CFAP20DC: variants seen among roughly 807,000 people sequenced by gnomAD.
CFAP20DC encodes protein CFAP20DC.
CFAP20DC carries 84 observed loss-of-function variants against 101.7 expected under a neutral mutation model. The observed-to-expected ratio is 0.83, with a 90% confidence interval of 0.69 to 0.99. CFAP20DC has a LOEUF of 0.99. Among genes scored for constraint, CFAP20DC ranks in the 50% least tolerant of loss-of-function variants. The probability of loss-of-function intolerance (pLI) is 0.00; values close to 1 mark genes in which losing one functional copy is unlikely to be tolerated. For missense variants in CFAP20DC, 1,007 were observed against 970.3 expected (o/e 1.04, Z -0.50); for synonymous variants, 359 against 351.2 (o/e 1.02, Z -0.25).
intron 15 of CFAP20DC, among the ~76,000 whole-genome samples, chr3:58,761,123 C>G (rs1354709373): frequency 1.3e-5 from 2 of 152,130 alleles, no homozygotes; most frequent in Non-Finnish European, 2.9e-5. Context: ...GCAGCTCCTC[C>G]TTGTACCTCT....
rs1662428927 is a variant in CFAP20DC, at chr3:58,874,595, G to A, written c.716-4286C>T. Among the ~76,000 whole-genome samples, 2 of 152,044 alleles carry A rather than the reference G, an allele frequency of 1.3e-5. No individual in the cohort carries two copies. The highest frequency in any genetic ancestry group is 4.2e-4 in the South Asian group (2 of 4,796). ...TTCTCAGTTCTTCCTGCCTACTAGAGTGTTTGTGTATGCTGTTCATGGCAA... is the reference window on the plus strand; with the variant it reads ...TTCTCAGTTCTTCCTGCCTACTAGAATGTTTGTGTATGCTGTTCATGGCAA... On this transcript the variant is annotated intron_variant, in intron 7 of 16. Transcript: ENST00000482387. This position sits in a 1 kb window ranked among gnomAD's most constrained non-coding sequence, Gnocchi z 5.1.
Position 58,766,390 on chromosome 3 carries a change from T to C in CFAP20DC, c.2238-12527A>G, listed in dbSNP as rs142968791. Reference sequence around the variant, plus strand: ...AATTCCTGCCAATTTTTCTCCTAAATAGCTTTGAATCTACCTTTCTCACCA... The same window carrying C: ...AATTCCTGCCAATTTTTCTCCTAAACAGCTTTGAATCTACCTTTCTCACCA... On this transcript the variant is annotated intron_variant, in intron 15 of 16. Transcript: ENST00000482387. Among the ~76,000 whole-genome samples, 383 of 152,296 alleles carry C rather than the reference T, an allele frequency of 2.5e-3. 3 individuals carry two copies. Among genetic ancestry groups the C allele is most frequent in the Middle Eastern group, 0.02 (6 of 294 alleles).
downstream of CFAP20DC, among the ~76,000 whole-genome samples, chr3:58,741,455 T>C (rs1371281198): frequency 1.3e-5 from 2 of 152,052 alleles, no homozygotes; most frequent in Non-Finnish European, 2.9e-5. Flanking sequence ...TCTATATAGA[T>C]CTAGATGAAT....
At chr3:58,993,965 G>C (rs2093025644) in intron 4 of CFAP20DC, among the ~76,000 whole-genome samples, 1 of 152,094 alleles carries the variant, frequency 6.6e-6, no homozygotes, top group Non-Finnish European at 1.5e-5. Context: ...GGATTGCTGG[G>C]TCAAATGGTA....
chr3:59,027,696 G>A (rs1030469714), intron 4 of CFAP20DC, among the ~76,000 whole-genome samples: 11 of 152,092 alleles, frequency 7.2e-5, no homozygotes, highest in Non-Finnish European at 1.5e-4. Flanking sequence ...ATCAAATAAG[G>A]GAAAATGAAC....
At chr3:58,987,380 T>C (rs2092787566) in intron 4 of CFAP20DC, among the ~76,000 whole-genome samples, 1 of 152,080 alleles carries the variant, frequency 6.6e-6, no homozygotes, top group South Asian at 2.1e-4. Context: ...ATGTATAGCC[T>C]TAAATTGCCT....
chr3:58,862,526 C>A (rs775973711), intron 12 of CFAP20DC: 5 of 985,276 alleles, frequency 5.1e-6, no homozygotes, highest in East Asian at 2.3e-4. Flanking sequence ...CGATCCTCTA[C>A]GCGCTTTGCT....
intron 3 of CFAP20DC, among the ~76,000 whole-genome samples, chr3:58,736,630 G>A (rs762198199): frequency 2.2e-4 from 34 of 152,080 alleles, no homozygotes; most frequent in South Asian, 2.1e-4. Flanking sequence ...GGAAGTATCC[G>A]CTACAGCACA....
chr3:58,830,138 G>C (rs916268701), intron 14 of CFAP20DC, among the ~76,000 whole-genome samples: 2 of 152,148 alleles, frequency 1.3e-5, no homozygotes, highest in African/African-American at 4.8e-5. Context: ...TGATAGTTGT[G>C]TTTAATGAAA....
chr3:59,021,403 A>G (rs1307551388), intron 4 of CFAP20DC, among the ~76,000 whole-genome samples: 2 of 152,100 alleles, frequency 1.3e-5, no homozygotes, highest in Non-Finnish European at 2.9e-5. Flanking sequence ...AGTCACTGGC[A>G]GGTGACTGAG....
intron 4 of CFAP20DC, among the ~76,000 whole-genome samples, chr3:58,983,770 A>T (rs2092663525): frequency 2.0e-5 from 3 of 152,182 alleles, no homozygotes. Context: ...TTAATCTTCA[A>T]GCAACCCCAT....
At chr3:58,886,217 C>G (rs912838607) in intron 6 of CFAP20DC, among the ~76,000 whole-genome samples, 1 of 151,942 alleles carries the variant, frequency 6.6e-6, no homozygotes, top group East Asian at 1.9e-4. Flanking sequence ...TGCAAATAAG[C>G]GTTTATAATT....
At chr3:58,967,035 T>C (rs767915550) in intron 4 of CFAP20DC, among the ~76,000 whole-genome samples, 4 of 152,102 alleles carry the variant, frequency 2.6e-5, no homozygotes, top group Non-Finnish European at 5.9e-5. Context: ...AATATGGAAA[T>C]GCAAAGGACC....
chr3:58,909,450 A>G (rs2083926848), intron 6 of CFAP20DC, among the ~76,000 whole-genome samples: 1 of 152,026 alleles, frequency 6.6e-6, no homozygotes, highest in African/African-American at 2.4e-5. Context: ...GGTTTTCTAC[A>G]CTTCTAACAT....
rs139660614 is a variant in CFAP20DC, at chr3:58,783,960, C to T, written c.2237+22435G>A. 4.7e-4 allele frequency among the ~76,000 whole-genome samples: 72 copies of T among 152,056 alleles called. No individual in the cohort carries two copies. In the East Asian group the frequency reaches 9.3e-3, roughly 20 times the overall value. On this transcript the variant is annotated intron_variant, in intron 15 of 16. Transcript: ENST00000482387. ...TATGAATGATCCCATTATGCAGGTACTGAGCATGGTACACAATAGTTCTTT... is the reference window on the plus strand; with the variant it reads ...TATGAATGATCCCATTATGCAGGTATTGAGCATGGTACACAATAGTTCTTT...
intron 14 of CFAP20DC, among the ~76,000 whole-genome samples, chr3:58,822,444 G>C (rs1271373833): frequency 1.3e-5 from 2 of 150,744 alleles, no homozygotes; most frequent in African/African-American, 2.5e-5. Flanking sequence ...TTGTGGGGTG[G>C]TGGGAGGGGG....
rs981256001 is a variant in CFAP20DC at position 58,869,643 on chromosome 3, T to A, written c.853-153A>T. 6.6e-6 allele frequency among the ~76,000 whole-genome samples: 1 copy of A among 152,056 alleles called. No homozygotes were observed. Among genetic ancestry groups the A allele is most frequent in the South Asian group, 2.1e-4 (1 of 4,816 alleles). On this transcript the variant is annotated intron_variant, in intron 8 of 16. Coordinates refer to ENST00000482387, the MANE Select transcript of CFAP20DC (RefSeq NM_001394063.1). This position sits in a 1 kb window ranked among gnomAD's most constrained non-coding sequence, Gnocchi z 4.3. ...GATGTGAAGAAAAAGGAAATTATTA[T>A]AGGAAATTAGAAATGGAAGGAGAAA...
At chr3:58,915,697 T>G (rs2084618243) in intron 5 of CFAP20DC, among the ~76,000 whole-genome samples, 1 of 152,074 alleles carries the variant, frequency 6.6e-6, no homozygotes, top group African/African-American at 2.4e-5. Flanking sequence ...GAAAGCTTTA[T>G]TTGAAAAAAA....
intron 15 of CFAP20DC, among the ~76,000 whole-genome samples, chr3:58,797,663 T>A (rs1272174053): frequency 6.6e-6 from 1 of 152,144 alleles, no homozygotes; most frequent in Non-Finnish European, 1.5e-5. Flanking sequence ...GACAAAACAG[T>A]CTTCTATTGG....
Sources: allele counts gnomAD v4.1 joint callset (sites outside exome capture counted in the v4.1 genomes callset), GRCh38; gene constraint gnomAD v4.1.1; non-coding constraint Gnocchi (gnomAD v3.1); transcripts MANE v1.5; gene names NCBI Gene and HGNC (gene_info 2026-07-23, HGNC 2026-07-21).